Variants in BRCA1 observed in about 807,000 individuals in gnomAD.
BRCA1 encodes BRCA1 DNA repair associated, also known as breast cancer type 1 susceptibility protein.
A neutral mutation model predicts 173.7 loss-of-function variants in BRCA1; 140 were observed. The ratio of observed to expected loss-of-function variants is 0.81; its 90% confidence interval spans 0.70 to 0.93. The LOEUF (loss-of-function observed/expected upper bound fraction) is 0.93, where lower values mean the gene tolerates loss of function less well. Among genes scored for constraint, BRCA1 ranks in the 40% least tolerant of loss-of-function variants. The pLI, the probability that BRCA1 is intolerant of heterozygous loss-of-function variation, is 0.00. For missense variants in BRCA1, 1,983 were observed against 2,172.5 expected (o/e 0.91, Z 1.73); for synonymous variants, 662 against 756.0 (o/e 0.88, Z 2.04).
intron 13 of BRCA1, among the ~76,000 whole-genome samples, chr17:43,075,486 T>C (rs2052668207): frequency 6.6e-6 from 1 of 152,106 alleles, no homozygotes; most frequent in Non-Finnish European, 1.5e-5. Flanking sequence ...AATTATTGGG[T>C]GCTTACTATG....
intron 18 of BRCA1, among the ~76,000 whole-genome samples, 172 bp from the exon 19 acceptor site, chr17:43,057,307 C>T (rs1287027572): frequency 2.0e-5 from 3 of 152,020 alleles, no homozygotes; most frequent in East Asian, 3.9e-4. Flanking sequence ...GTCAGGAGTT[C>T]GACACCAGTC....
In BRCA1 at chr17:43,048,516, CTCTT is replaced by C. The variant is rs1425509271; in HGVS notation, c.5406+601_5406+604del. Among the ~76,000 whole-genome samples the C allele has an allele frequency of 5.5e-5, 8 of 145,748 alleles. No homozygotes were observed. The South Asian group carries it at 8.7e-4, about 16-fold the overall frequency. On this transcript the variant is annotated intron_variant, in intron 21 of 22. Transcript: ENST00000357654. Reference sequence around the variant, plus strand: ...CACCGCACCTAGCTTTTCTCTCTCTCTCTTTTTTTTTTTTTTTAGACAAAGTCTC... The same window carrying C: ...CACCGCACCTAGCTTTTCTCTCTCTCTTTTTTTTTTTTTAGACAAAGTCTC...
chr17:43,048,949 G>A (rs1216655500), intron 21 of BRCA1, among the ~76,000 whole-genome samples, 172 bp downstream of exon 21: 6 of 152,146 alleles, frequency 3.9e-5, no homozygotes, highest in Admixed American at 3.9e-4. Flanking sequence ...AATATGTGCA[G>A]TTCTCAAATC....
At chr17:43,050,618 G>GA (rs774947869) in intron 20 of BRCA1, among the ~76,000 whole-genome samples, 102 of 72,974 alleles carry the variant, frequency 1.4e-3, no homozygotes, top group Admixed American at 4.9e-3. Context: ...CAAAAAAAAA[G>GA]AAAAAAAAAA....
At chr17:43,067,782 A>G in intron 15 of BRCA1, 87 bp from the exon 16 acceptor site, 1 of 1,018,788 alleles carries the variant, frequency 9.8e-7, no homozygotes, top group Non-Finnish European at 1.5e-6. Flanking sequence ...GCATATGTTT[A>G]CCTATGTAGC....
chr17:43,132,243 T>C (rs2055973449), intron 1 of BRCA1, among the ~76,000 whole-genome samples: 1 of 152,138 alleles, frequency 6.6e-6, no homozygotes, highest in African/African-American at 2.4e-5. Context: ...TGACTTCTCT[T>C]TCCTGAACAT....
upstream of BRCA1, among the ~76,000 whole-genome samples, chr17:43,127,602 G>A (rs2055922229): frequency 6.6e-6 from 1 of 152,232 alleles, no homozygotes; most frequent in African/African-American, 2.4e-5. Context: ...GCACCAATCA[G>A]CACTCTGTGT....
rs575579952 is a variant in BRCA1 at position 43,117,512 on chromosome 17, G to A, written c.81-1733C>T. 4.3e-4 allele frequency among the ~76,000 whole-genome samples: 65 copies of A among 152,116 alleles called. 1 individual carries two copies. The Middle Eastern group carries it at 0.017, about 40-fold the overall frequency. ...ATCCCAGCACTTGGGAGGCCGAGGC[G>A]GGCGGATCATGAGGTCAGGATTTCG... On this transcript the variant is annotated intron_variant, in intron 2 of 22. Transcript: ENST00000357654.
chr17:43,049,927 C>T (rs758189670), intron 20 of BRCA1: 27 of 394,920 alleles, frequency 6.8e-5, no homozygotes, highest in Middle Eastern at 6.3e-4. Flanking sequence ...TAACTCACCC[C>T]CAAAATAATA....
chr17:43,098,037 T>TC (rs982473318), intron 7 of BRCA1, among the ~76,000 whole-genome samples: 3 of 151,390 alleles, frequency 2.0e-5, no homozygotes, highest in Non-Finnish European at 4.4e-5. Context: ...GCTCTTTTTT[T>TC]TTTTTTTTTG....
At chr17:43,083,862 TTTTA>T (rs1301688501) in intron 11 of BRCA1, among the ~76,000 whole-genome samples, 1 of 152,096 alleles carries the variant, frequency 6.6e-6, no homozygotes, top group Non-Finnish European at 1.5e-5. Context: ...TAAGAATTTA[TTTTA>T]TTTATTTATT....
chr17:43,084,497 G>T (rs1206608555), intron 11 of BRCA1, among the ~76,000 whole-genome samples: 1 of 152,166 alleles, frequency 6.6e-6, no homozygotes, highest in East Asian at 1.9e-4. Context: ...ATCACTTTTA[G>T]AAGGAACAGC....
intron 1 of BRCA1, among the ~76,000 whole-genome samples, chr17:43,155,880 A>C (rs751864075): frequency 4.6e-5 from 7 of 152,192 alleles, no homozygotes; most frequent in Admixed American, 2.6e-4. Flanking sequence ...GACATCAAAG[A>C]ACAAGTATCC....
At chr17:43,129,675 C>T (rs2055949398), upstream of BRCA1, among the ~76,000 whole-genome samples, 6 of 152,076 alleles carry the variant, frequency 3.9e-5, no homozygotes, top group East Asian at 5.8e-4. Flanking sequence ...GGGGTTTCAC[C>T]GCGTTAGCCA....
intron 1 of BRCA1, among the ~76,000 whole-genome samples, chr17:43,169,630 C>T (rs1298898746): frequency 6.6e-6 from 1 of 152,034 alleles, no homozygotes; most frequent in Non-Finnish European, 1.5e-5. Flanking sequence ...ACGCCTTATG[C>T]CTCTCAGGTT....
intron 1 of BRCA1, among the ~76,000 whole-genome samples, chr17:43,132,320 C>T (rs2055974154): frequency 6.6e-6 from 1 of 152,088 alleles, no homozygotes; most frequent in South Asian, 2.1e-4. Context: ...AAAATGCTGA[C>T]TCGGTGGCAG....
intron 10 of BRCA1, 157 bp downstream of exon 10, chr17:43,091,278 T>C (rs867252606): frequency 9.4e-7 from 1 of 1,058,838 alleles, no homozygotes; most frequent in African/African-American, 1.6e-5. Context: ...AGGACTTTTT[T>C]CTATGAAAAG....
In BRCA1 at chr17:43,100,560, A is replaced by ATATATATATATAACATATATATAT. The variant is rs2054347251; in HGVS notation, c.442-681_442-680insATATATATATGTTATATATATATA. Among the ~76,000 whole-genome samples the ATATATATATATAACATATATATAT allele has an allele frequency of 2.2e-3, 35 of 16,062 alleles. 2 individuals are homozygous for ATATATATATATAACATATATATAT. Among genetic ancestry groups the ATATATATATATAACATATATATAT allele is most frequent in the South Asian group, 0.01 (6 of 572 alleles). 10.5% of individuals were successfully genotyped at this position (16,062 alleles called of 152,430 possible). A position where few individuals can be genotyped will look rare whatever the true frequency, so the allele number is the denominator to read the frequency against. ...TACATATATATGTGTGTGTGTGTGTATATATATATATAACATATATATAAC... is the reference window on the plus strand; with the variant it reads ...TACATATATATGTGTGTGTGTGTGTATATATATATATAACATATATATATTATATATATATAACATATATATAAC... On this transcript the variant is annotated intron_variant, in intron 6 of 22. Coordinates refer to ENST00000357654, the MANE Select transcript of BRCA1 (RefSeq NM_007294.4).
At chr17:43,079,595 A>G (rs781031039) in intron 12 of BRCA1, 10 of 854,048 alleles carry the variant, frequency 1.2e-5, no homozygotes, top group Non-Finnish European at 1.8e-5. Context: ...TAAACACTCT[A>G]AGAGCCAAGA....
Sources: allele counts gnomAD v4.1 joint callset (sites outside exome capture counted in the v4.1 genomes callset), GRCh38; gene constraint gnomAD v4.1.1; transcripts MANE v1.5; gene names NCBI Gene and HGNC (gene_info 2026-07-23, HGNC 2026-07-21).